SYN3: variants seen among roughly 807,000 people sequenced by gnomAD.
The protein encoded by SYN3 is synapsin-3.
In SYN3, 35 loss-of-function variants were observed where a neutral mutation model predicts 65.8. The ratio of observed to expected loss-of-function variants is 0.53; its 90% CI spans 0.41 to 0.70. The LOEUF is 0.70. Among genes scored for constraint, SYN3 ranks in the 30% least tolerant of loss-of-function variants. The probability of loss-of-function intolerance (pLI) is 0.00; values close to 1 mark genes in which losing one functional copy is unlikely to be tolerated. For synonymous variants in SYN3, 270 were observed against 292.9 expected (o/e 0.92, Z 0.80); for missense variants, 680 against 749.0 (o/e 0.91, Z 1.08).
intron 1 of SYN3, among the ~76,000 whole-genome samples, chr22:33,024,780 T>G (rs2053612726): frequency 6.6e-6 from 1 of 152,122 alleles, no homozygotes; most frequent in Admixed American, 6.5e-5. Flanking sequence ...AATGAGAGAT[T>G]TACATAAGCT....
intron 4 of SYN3, among the ~76,000 whole-genome samples, chr22:32,879,278 A>T (rs1008804536): frequency 2.6e-5 from 4 of 152,246 alleles, no homozygotes; most frequent in Admixed American, 1.3e-4. Context: ...CCATTTATTT[A>T]ACAAAAATGT....
At chr22:32,554,916 G>A (rs1306605636) in intron 7 of SYN3, among the ~76,000 whole-genome samples, 5 of 152,206 alleles carry the variant, frequency 3.3e-5, no homozygotes, top group Non-Finnish European at 7.3e-5. Context: ...TCAACGAAAT[G>A]TGGATAACTT....
At chr22:32,965,455 G>A (rs2051801190) in intron 3 of SYN3, among the ~76,000 whole-genome samples, 1 of 152,026 alleles carries the variant, frequency 6.6e-6, no homozygotes, top group African/African-American at 2.4e-5. Flanking sequence ...TACCGAATAA[G>A]TGTCCTGCCA....
chr22:32,674,797 T>C (rs130742), intron 6 of SYN3, among the ~76,000 whole-genome samples: 44,010 of 152,140 alleles, frequency 0.29, 7,382 homozygotes, highest in Middle Eastern at 0.4. Flanking sequence ...ATAACTTTCA[T>C]TGTCATCATC....
At chr22:32,683,498 T>C (rs2060550763) in intron 6 of SYN3, among the ~76,000 whole-genome samples, 2 of 152,166 alleles carry the variant, frequency 1.3e-5, no homozygotes. Context: ...AAATGTATTC[T>C]CGCAGTTCTG....
At chr22:32,999,146 A>G (rs1048990699) in intron 2 of SYN3, among the ~76,000 whole-genome samples, 1 of 152,208 alleles carries the variant, frequency 6.6e-6, no homozygotes, top group African/African-American at 2.4e-5. Context: ...GTGCGCCTGC[A>G]TGATGCGCCA....
intron 3 of SYN3, among the ~76,000 whole-genome samples, chr22:32,959,077 C>G (rs2051560434): frequency 5.9e-5 from 9 of 151,974 alleles, no homozygotes; most frequent in Admixed American, 5.9e-4. Flanking sequence ...GGCTGTGTTC[C>G]CACCCAAATC....
chr22:32,686,828 C>T (rs1281576576), intron 6 of SYN3, among the ~76,000 whole-genome samples: 2 of 152,004 alleles, frequency 1.3e-5, no homozygotes, highest in East Asian at 3.9e-4. Flanking sequence ...CTCCTGACCT[C>T]AGGTGATCCG....
chr22:32,794,495 T>C (rs2046386715), intron 6 of SYN3, among the ~76,000 whole-genome samples: 1 of 152,180 alleles, frequency 6.6e-6, no homozygotes, highest in African/African-American at 2.4e-5. Context: ...GGGGTGAATG[T>C]GTGACGGTGA....
chr22:32,910,802 G>C (rs929285875), intron 4 of SYN3, among the ~76,000 whole-genome samples: 2 of 152,212 alleles, frequency 1.3e-5, no homozygotes, highest in African/African-American at 4.8e-5. Context: ...GCTTAGAACA[G>C]TGGCAGGTAC....
At chr22:32,529,648 TG>T (rs2058038711) in intron 10 of SYN3, among the ~76,000 whole-genome samples, 1 of 152,058 alleles carries the variant, frequency 6.6e-6, no homozygotes, top group Non-Finnish European at 1.5e-5. Flanking sequence ...GGCCCAGAGA[TG>T]GGAGGGGACT....
chr22:33,020,258 G>T (rs2053538658), intron 1 of SYN3, among the ~76,000 whole-genome samples: 1 of 152,198 alleles, frequency 6.6e-6, no homozygotes, highest in African/African-American at 2.4e-5. Context: ...GGAGAAAGTG[G>T]TGAGGTTTAT....
Position 32,604,916 on chromosome 22 carries a change from G to A in SYN3, c.712-8180C>T, listed in dbSNP as rs2059348435. Among the ~76,000 whole-genome samples, 4 of 148,912 alleles carry A rather than the reference G, an allele frequency of 2.7e-5. No homozygotes were observed. The Middle Eastern group carries it at 0.011, about 393-fold the overall frequency. ...AGCTACTCGGGAGGCTGAGGCGGGA[G>A]AATGGTGTGAACCCGGGAGGTGGAG... On this transcript the variant is annotated intron_variant, in intron 6 of 13. Transcript: ENST00000358763.
chr22:32,744,723 T>A (rs1171418136), intron 6 of SYN3, among the ~76,000 whole-genome samples: 1 of 152,038 alleles, frequency 6.6e-6, no homozygotes, highest in Non-Finnish European at 1.5e-5. Flanking sequence ...GGAGACAGGA[T>A]GTTGGGCAGA....
intron 6 of SYN3, among the ~76,000 whole-genome samples, chr22:32,716,613 C>T (rs974968067): frequency 2.0e-5 from 3 of 152,076 alleles, no homozygotes; most frequent in Non-Finnish European, 2.9e-5. Context: ...TCATTGCAAC[C>T]TCTGCCTCCC....
intron 6 of SYN3, among the ~76,000 whole-genome samples, chr22:32,641,280 G>C (rs373980106): frequency 5.9e-5 from 9 of 152,054 alleles, no homozygotes; most frequent in East Asian, 1.9e-4. Flanking sequence ...CAACTCGTAC[G>C]TGCTTCAGAA....
intron 6 of SYN3, among the ~76,000 whole-genome samples, chr22:32,706,088 C>T (rs1490424145): frequency 6.6e-6 from 1 of 152,162 alleles, no homozygotes; most frequent in Non-Finnish European, 1.5e-5. Flanking sequence ...CCAAGACTTC[C>T]AATACTATGT....
intron 1 of SYN3, among the ~76,000 whole-genome samples, chr22:33,056,929 G>T (rs752305414): frequency 3.3e-5 from 5 of 152,192 alleles, no homozygotes; most frequent in Non-Finnish European, 5.9e-5. Context: ...TTGAAGATGA[G>T]AAAAGAAGAG....
chr22:32,755,834 A>T (rs1160756527), intron 6 of SYN3, among the ~76,000 whole-genome samples: 2 of 152,098 alleles, frequency 1.3e-5, no homozygotes, highest in Non-Finnish European at 2.9e-5. Flanking sequence ...TACGTACACA[A>T]TTTTTTTTAA....
Sources: gnomAD v4.1 joint callset for allele counts (sites outside exome capture counted in the v4.1 genomes callset) on GRCh38, gnomAD v4.1.1 for gene constraint, MANE v1.5 for transcripts, NCBI Gene and HGNC (gene_info 2026-07-23, HGNC 2026-07-21) for gene names.